The following PRKG1 variants were observed in gnomAD, a reference collection of about 807,000 sequenced individuals.
PRKG1 encodes protein kinase cGMP-dependent 1.
A neutral mutation model predicts 88.1 loss-of-function variants in PRKG1; 35 were observed. That is an observed-to-expected ratio of 0.40 (90% confidence interval 0.30 to 0.53). The LOEUF (loss-of-function observed/expected upper bound fraction) is 0.53. Among genes scored for constraint, PRKG1 ranks in the 20% least tolerant of loss-of-function variants. The pLI is 0.59. For missense variants in PRKG1, 540 were observed against 839.8 expected (o/e 0.64, Z 4.41); for synonymous variants, 303 against 292.5 (o/e 1.04, Z -0.37).
rs187604838 is a variant in PRKG1 at position 52,130,776 on chromosome 10, A to G, written c.936-3064A>G. Among the ~76,000 whole-genome samples, 3 of 152,338 alleles carry G rather than the reference A, an allele frequency of 2.0e-5. No homozygotes were observed. The East Asian group carries it at 5.8e-4, about 29-fold the overall frequency. ...CATTTCACCAAAAATTCCCACTATG[A>G]AAGTGATAACGAATTGAAAATACAT... On this transcript the variant is annotated intron_variant, in intron 7 of 17. Transcript: ENST00000373980.
intron 4 of PRKG1, among the ~76,000 whole-genome samples, chr10:51,878,354 A>T (rs1841353099): frequency 6.6e-6 from 1 of 152,186 alleles, no homozygotes; most frequent in South Asian, 2.1e-4. Flanking sequence ...AACAGGGGGA[A>T]GTTTGCTTTG....
At chr10:51,368,612 G>A (rs1842637825) in intron 2 of PRKG1, among the ~76,000 whole-genome samples, 1 of 152,028 alleles carries the variant, frequency 6.6e-6, no homozygotes, top group Admixed American at 6.6e-5. Flanking sequence ...AGTGACATGG[G>A]ATGACAAAAG....
intron 4 of PRKG1, among the ~76,000 whole-genome samples, chr10:51,836,267 C>T (rs561201603): frequency 1.3e-5 from 2 of 152,220 alleles, no homozygotes. Flanking sequence ...GCCAAGAACA[C>T]ACAATAGGGA....
chr10:51,138,401 C>A (rs1485530223), intron 1 of PRKG1, among the ~76,000 whole-genome samples: 1 of 152,116 alleles, frequency 6.6e-6, no homozygotes, highest in Non-Finnish European at 1.5e-5. Flanking sequence ...AATGAGTCAA[C>A]ATATGATTAA....
intron 9 of PRKG1, among the ~76,000 whole-genome samples, chr10:52,179,596 G>A (rs1190739350): frequency 1.3e-5 from 2 of 152,018 alleles, no homozygotes; most frequent in African/African-American, 4.8e-5. Flanking sequence ...AATATATTTG[G>A]GGATCTTCAA....
intron 3 of PRKG1, among the ~76,000 whole-genome samples, chr10:51,763,911 T>G (rs1564637494): frequency 1.3e-5 from 2 of 152,120 alleles, no homozygotes; most frequent in African/African-American, 4.8e-5. Flanking sequence ...CTTTTTCTTA[T>G]AAAGCCACCA....
At chr10:51,069,081 A>G (rs182814549) in intron 1 of PRKG1, among the ~76,000 whole-genome samples, 51 of 151,992 alleles carry the variant, frequency 3.4e-4, no homozygotes, top group African/African-American at 9.9e-4. Flanking sequence ...GAGACCCAAT[A>G]ATAACTTCCC....
At chr10:51,603,927 T>A (rs1189669694) in intron 3 of PRKG1, among the ~76,000 whole-genome samples, 1 of 152,180 alleles carries the variant, frequency 6.6e-6, no homozygotes, top group Non-Finnish European at 1.5e-5. Context: ...GCTGTCACGC[T>A]GGGATGGTGC....
At chr10:51,597,161 C>T (rs1838472353) in intron 3 of PRKG1, among the ~76,000 whole-genome samples, 1 of 150,138 alleles carries the variant, frequency 6.7e-6, no homozygotes, top group South Asian at 2.1e-4. Context: ...CTAAACTAAC[C>T]TTCTAGAGTT....
At chr10:51,497,260 T>G (rs59610630) in intron 3 of PRKG1, among the ~76,000 whole-genome samples, 1 of 152,178 alleles carries the variant, frequency 6.6e-6, no homozygotes, top group African/African-American at 2.4e-5. Flanking sequence ...CATAGTTATC[T>G]TTCCTCTTTA....
intron 6 of PRKG1, among the ~76,000 whole-genome samples, chr10:52,059,408 TAAAC>T: frequency 7.0e-6 from 1 of 141,954 alleles, no homozygotes; most frequent in South Asian, 2.4e-4. Context: ...AAACTAGAAA[TAAAC>T]AAATTGTGTC....
intron 2 of PRKG1, among the ~76,000 whole-genome samples, chr10:51,229,220 G>T (rs141924744): frequency 6.6e-6 from 1 of 152,086 alleles, no homozygotes; most frequent in Non-Finnish European, 1.5e-5. Flanking sequence ...TTCAGCAAGG[G>T]TCTCCATGGT....
intron 4 of PRKG1, among the ~76,000 whole-genome samples, chr10:51,835,483 A>G (rs188244474): frequency 4.6e-5 from 7 of 152,350 alleles, no homozygotes; most frequent in Admixed American, 3.3e-4. Context: ...GCAGAGCCCA[A>G]TACTCTCTCT....
chr10:52,291,561 C>T (rs573822881), intron 17 of PRKG1, among the ~76,000 whole-genome samples: 6 of 152,074 alleles, frequency 3.9e-5, no homozygotes, highest in South Asian at 2.1e-4. Flanking sequence ...ATTTCATCCA[C>T]GTCCCTACAA....
At chr10:51,630,439 A>C (rs191329747) in intron 3 of PRKG1, among the ~76,000 whole-genome samples, 24 of 152,318 alleles carry the variant, frequency 1.6e-4, no homozygotes, top group African/African-American at 5.1e-4. Flanking sequence ...AAAGCCAACC[A>C]GTCATGGCAG....
intron 1 of PRKG1, among the ~76,000 whole-genome samples, chr10:51,034,540 A>G (rs370416213): frequency 2.0e-5 from 3 of 151,388 alleles, no homozygotes; most frequent in African/African-American, 7.3e-5. Context: ...TAATTCTCCA[A>G]TTAAATTTAT....
At chr10:52,033,234 T>C (rs1388026355) in intron 5 of PRKG1, among the ~76,000 whole-genome samples, 6 of 152,190 alleles carry the variant, frequency 3.9e-5, no homozygotes, top group African/African-American at 1.4e-4. Flanking sequence ...GGAAACACTT[T>C]AATGAGAAGA....
At chr10:51,217,804 A>C (rs1838411129) in intron 2 of PRKG1, among the ~76,000 whole-genome samples, 1 of 152,108 alleles carries the variant, frequency 6.6e-6, no homozygotes, top group African/African-American at 2.4e-5. Flanking sequence ...ATGGATGGCA[A>C]ATGTATAGCA....
At chr10:52,021,019 G>C (rs145377129) in intron 5 of PRKG1, among the ~76,000 whole-genome samples, 1 of 152,046 alleles carries the variant, frequency 6.6e-6, no homozygotes, top group East Asian at 1.9e-4. Flanking sequence ...ATTCCTAGTG[G>C]GTGGGGGTGA....
Sources: allele counts gnomAD v4.1 joint callset (sites outside exome capture counted in the v4.1 genomes callset), GRCh38; gene constraint gnomAD v4.1.1; transcripts MANE v1.5; gene names NCBI Gene and HGNC (gene_info 2026-07-23, HGNC 2026-07-21).